ZNF560: variants seen among roughly 807,000 people sequenced by gnomAD.
The protein encoded by ZNF560 is zinc finger protein 560.
Under a neutral mutation model 81.8 loss-of-function variants are expected in ZNF560, and 54 were observed. That is an observed-to-expected ratio of 0.66 (90% CI 0.53 to 0.83). ZNF560 has a LOEUF of 0.83. ZNF560 is among the 40% of genes least tolerant of loss of function. ZNF560 has a pLI of 0.00. For synonymous variants in ZNF560, 321 were observed against 317.9 expected, an observed-to-expected ratio of 1.01 and a Z score of -0.10; for missense variants, 940 against 932.4, an observed-to-expected ratio of 1.01 and a Z score of -0.11.
the ZNF560 span, among the ~76,000 whole-genome samples, chr19:9,505,251 C>T: frequency 6.6e-6 from 1 of 152,176 alleles, no homozygotes; most frequent in Non-Finnish European, 1.5e-5. Context: ...TGAATTGAAG[C>T]TTTTATCAAT....
chr19:9,487,512 GATTT>G (rs1323915239), intron 2 of ZNF560, among the ~76,000 whole-genome samples: 2 of 152,154 alleles, frequency 1.3e-5, no homozygotes, highest in African/African-American at 2.4e-5. Flanking sequence ...CATGATATTA[GATTT>G]ATTATACTCA....
intron 2 of ZNF560, among the ~76,000 whole-genome samples, chr19:9,480,529 G>C (rs544581624): frequency 6.6e-6 from 1 of 151,490 alleles, no homozygotes; most frequent in African/African-American, 2.4e-5. Context: ...TAGAAGGAAG[G>C]AAATAATAAA....
rs1402675998 is a variant in ZNF560 at position 9,469,730 on chromosome 19, C to G, written c.449-20G>C. 18 of 1,610,562 alleles carry G rather than the reference C, an allele frequency of 1.1e-5. No homozygotes were observed. The highest frequency in any genetic ancestry group is 3.3e-4 in the Middle Eastern group (2 of 6,056). On this transcript the variant is annotated intron_variant, in intron 7 of 9. Transcript: ENST00000301480. ...GGTAACCTGTACACAGGGAAAGATA[C>G]ACCAATGGAAGAGGCTCATGCAAGA...
rs869220673 is a variant in ZNF560, at chr19:9,494,905, CA to C, written c.-57+3222del. On this transcript the variant is annotated intron_variant, in intron 2 of 9. Transcript: ENST00000301480. ...CAGCAATAAGAGTGAAACTCCGTCTCAAAAAAAAACAAACAAACAAAACAAA... is the reference window on the plus strand; with the variant it reads ...CAGCAATAAGAGTGAAACTCCGTCTCAAAAAAAACAAACAAACAAAACAAA... 4.7e-5 allele frequency among the ~76,000 whole-genome samples: 7 copies of C among 148,556 alleles called. No individual in the cohort carries two copies. The East Asian group carries it at 9.8e-4, about 21-fold the overall frequency.
At chr19:9,485,958 G>A (rs2073377895) in intron 2 of ZNF560, among the ~76,000 whole-genome samples, 1 of 152,132 alleles carries the variant, frequency 6.6e-6, no homozygotes, top group African/African-American at 2.4e-5. Context: ...TCCATGAAAG[G>A]CATCTGCCAT....
the ZNF560 span, among the ~76,000 whole-genome samples, chr19:9,458,583 A>C: frequency 7.9e-5 from 12 of 152,230 alleles, no homozygotes; most frequent in Non-Finnish European, 7.3e-5. Flanking sequence ...GACTTTATTT[A>C]CCCAATTGCA....
chr19:9,499,442 G>A (rs1418224962), upstream of ZNF560, among the ~76,000 whole-genome samples: 4 of 152,296 alleles, frequency 2.6e-5, no homozygotes, highest in South Asian at 2.1e-4. Flanking sequence ...TGATCTGCCC[G>A]CCCTGCACTC....
In ZNF560 at chr19:9,468,189, GA is replaced by G; in HGVS notation, c.757del (p.Ser253LeufsTer9). The G allele has an allele frequency of 6.2e-7, 1 of 1,614,156 alleles. No homozygotes were observed. The highest frequency in any genetic ancestry group is 1.6e-4 in the Middle Eastern group (1 of 6,062). ...TATGGTAGAGGTTTTATTGTATAGA[GA>G]AAGGAGGTCTTTTGCATACTGAATA... ...ECIQYAKDLL[S>X]LYNKTSTIRK... On this transcript the variant is annotated frameshift_variant, in exon 10 of 10. Transcript: ENST00000301480. LOFTEE classifies it high-confidence loss of function.
At chr19:9,460,184 A>G in the ZNF560 span, among the ~76,000 whole-genome samples, 5 of 152,162 alleles carry the variant, frequency 3.3e-5, no homozygotes, top group African/African-American at 1.2e-4. Context: ...GATCCCAAAC[A>G]CCCACTGGTG....
intron 6 of ZNF560, among the ~76,000 whole-genome samples, chr19:9,470,868 C>T (rs2073110421): frequency 6.6e-6 from 1 of 152,086 alleles, no homozygotes; most frequent in Admixed American, 6.5e-5. Flanking sequence ...ACTTTCATAC[C>T]CCTTACCATC....
At chr19:9,501,896 T>C (rs918956607), upstream of ZNF560, among the ~76,000 whole-genome samples, 1 of 151,942 alleles carries the variant, frequency 6.6e-6, no homozygotes, top group Non-Finnish European at 1.5e-5. Context: ...CTCATGCCTG[T>C]AATGCCAGCA....
At chr19:9,469,412 A>G (rs2073087688) in intron 8 of ZNF560, among the ~76,000 whole-genome samples, 1 of 152,234 alleles carries the variant, frequency 6.6e-6, no homozygotes. Flanking sequence ...GAACAAAAGC[A>G]TACAATAAAT....
At chr19:9,475,488 T>C in intron 2 of ZNF560, 119 bp from the exon 3 acceptor site, 1 of 610,368 alleles carries the variant, frequency 1.6e-6, no homozygotes, top group South Asian at 2.1e-5. Flanking sequence ...CTCACATAAA[T>C]ATACATTACA....
intron 9 of ZNF560, among the ~76,000 whole-genome samples, chr19:9,468,729 T>C (rs911703927): frequency 1.3e-3 from 188 of 149,220 alleles, no homozygotes; most frequent in African/African-American, 4.3e-3. Context: ...TGATTTCTTT[T>C]TTTTTTTTTT....
At chr19:9,454,306 C>T in the ZNF560 span, among the ~76,000 whole-genome samples, 1,105 of 152,304 alleles carry the variant, frequency 7.3e-3, 10 homozygotes, top group African/African-American at 0.026. Context: ...CACTTCTGAT[C>T]CCACATTGCA....
chr19:9,472,249 T>C lies in ZNF560; in HGVS notation c.239-871A>G, dbSNP rs116126239. Reference sequence around the variant, plus strand: ...TGTTTGGATCATGGGGGTGGGTCCTTCATGAATGGCTTAGTGACATACTCG... The same window carrying C: ...TGTTTGGATCATGGGGGTGGGTCCTCCATGAATGGCTTAGTGACATACTCG... On this transcript the variant is annotated intron_variant, in intron 5 of 9. Transcript: ENST00000301480. Among the ~76,000 whole-genome samples the C allele has an allele frequency of 2.5e-3, 386 of 152,282 alleles. 4 individuals are homozygous for C. The highest frequency in any genetic ancestry group is 8.5e-3 in the African/African-American group (355 of 41,554).
At chr19:9,471,415 T>TAA (rs559659192) in intron 5 of ZNF560, 37 bp from the exon 6 acceptor site, 57 of 1,252,366 alleles carry the variant, frequency 4.6e-5, no homozygotes, top group South Asian at 6.3e-5. Flanking sequence ...TTTTTTTTTT[T>TAA]TAAAAAAAAA....
intron 2 of ZNF560, among the ~76,000 whole-genome samples, chr19:9,485,590 G>C (rs929355963): frequency 2.7e-5 from 4 of 149,140 alleles, no homozygotes; most frequent in Non-Finnish European, 5.9e-5. Context: ...CTGTCACCCA[G>C]GCTGGAGTGC....
At chr19:9,483,418 T>G (rs2144711933) in intron 2 of ZNF560, among the ~76,000 whole-genome samples, 1 of 149,814 alleles carries the variant, frequency 6.7e-6, no homozygotes, top group East Asian at 2.0e-4. Flanking sequence ...GAGGAGCCCC[T>G]CCGCCTGGCA....
Sources: allele counts gnomAD v4.1 joint callset (sites outside exome capture counted in the v4.1 genomes callset), GRCh38; gene constraint gnomAD v4.1.1; transcripts MANE v1.5; gene names NCBI Gene and HGNC (gene_info 2026-07-23, HGNC 2026-07-21).